RAB3C: variants seen among roughly 807,000 people sequenced by gnomAD.
RAB3C encodes the protein RAB3C, member RAS oncogene family, also known as ras-related protein Rab-3C.
RAB3C carries 17 observed loss-of-function variants against 26.4 expected under a neutral mutation model. The ratio of observed to expected loss-of-function variants is 0.64; its 90% CI spans 0.44 to 0.97. The LOEUF (loss-of-function observed/expected upper bound fraction) is 0.97, where lower values mean the gene tolerates loss of function less well. RAB3C is among the 50% of genes least tolerant of loss of function. The pLI, the probability that RAB3C is intolerant of heterozygous loss-of-function variation, is 0.00. For synonymous variants in RAB3C, 91 were observed against 95.9 expected (o/e 0.95, Z 0.30); for missense variants, 242 against 281.9 (o/e 0.86, Z 1.01).
intron 2 of RAB3C, among the ~76,000 whole-genome samples, chr5:58,670,301 G>A (rs1292062433): frequency 1.3e-5 from 2 of 151,948 alleles, no homozygotes; most frequent in South Asian, 2.1e-4. Flanking sequence ...AATAAAGACG[G>A]TCTCCAAAGG....
chr5:58,802,066 T>G (rs1166454312), intron 3 of RAB3C, among the ~76,000 whole-genome samples: 1 of 152,136 alleles, frequency 6.6e-6, no homozygotes, highest in East Asian at 1.9e-4. Context: ...TCTCAATGAA[T>G]CATTAGAGTA....
intron 2 of RAB3C, among the ~76,000 whole-genome samples, chr5:58,705,468 G>A (rs1271702931): frequency 6.6e-6 from 1 of 152,074 alleles, no homozygotes; most frequent in Non-Finnish European, 1.5e-5. Flanking sequence ...AAAAAATTTT[G>A]ATGACAAATT....
At chr5:58,846,719 T>A (rs113316330) in intron 4 of RAB3C, among the ~76,000 whole-genome samples, 1,815 of 152,038 alleles carry the variant, frequency 0.012, 17 homozygotes, top group Middle Eastern at 0.037. Context: ...CCTCCAATCC[T>A]ATGAAGTCAG....
intron 3 of RAB3C, among the ~76,000 whole-genome samples, chr5:58,754,883 T>TC (rs1554051165): frequency 0.031 from 3,962 of 126,244 alleles, 185 homozygotes; most frequent in African/African-American, 0.11. Flanking sequence ...CTCCTTATTC[T>TC]CCTTTTTTTT....
chr5:58,754,266 G>A (rs1741597675), intron 3 of RAB3C, among the ~76,000 whole-genome samples: 1 of 152,128 alleles, frequency 6.6e-6, no homozygotes, highest in South Asian at 2.1e-4. Flanking sequence ...CAAAGGTCTT[G>A]TGGAAACTGT....
intron 4 of RAB3C, among the ~76,000 whole-genome samples, chr5:58,827,395 T>TC: frequency 6.6e-6 from 1 of 152,290 alleles, no homozygotes; most frequent in South Asian, 2.1e-4. Flanking sequence ...TATATGTATC[T>TC]CCAAGCCAAG....
intron 2 of RAB3C, among the ~76,000 whole-genome samples, chr5:58,721,794 T>A (rs542782659): frequency 3.9e-5 from 6 of 151,954 alleles, no homozygotes; most frequent in African/African-American, 1.4e-4. Flanking sequence ...ATATTTTCCC[T>A]ACTTAGTGCA....
intron 2 of RAB3C, among the ~76,000 whole-genome samples, chr5:58,698,646 C>A (rs1291863200): frequency 6.6e-6 from 1 of 151,982 alleles, no homozygotes; most frequent in Non-Finnish European, 1.5e-5. Flanking sequence ...TTTCTCTAAA[C>A]TTCTCTTTTC....
At chr5:58,664,596 A>C (rs1045548003) in intron 2 of RAB3C, among the ~76,000 whole-genome samples, 1 of 152,162 alleles carries the variant, frequency 6.6e-6, no homozygotes, top group African/African-American at 2.4e-5. Context: ...GTGATACTGT[A>C]CTATAGATTT....
chr5:58,827,500 T>G (rs922996177), intron 4 of RAB3C, among the ~76,000 whole-genome samples: 7 of 152,230 alleles, frequency 4.6e-5, no homozygotes. Flanking sequence ...GACCAGGTTG[T>G]GAAAAGGGAT....
chr5:58,737,437 ATATATAT>A (rs1741173111), intron 3 of RAB3C, among the ~76,000 whole-genome samples: 2 of 82,292 alleles, frequency 2.4e-5, no homozygotes, highest in Non-Finnish European at 4.4e-5. Context: ...ATATATATAT[ATATATAT>A]ATATAATTTA....
At chr5:58,836,555 T>C (rs1743752383) in intron 4 of RAB3C, among the ~76,000 whole-genome samples, 1 of 152,198 alleles carries the variant, frequency 6.6e-6, no homozygotes, top group Admixed American at 6.5e-5. Context: ...CCCTTCTCAA[T>C]GTCTAGTATC....
chr5:58,816,023 G>A (rs565900458), intron 3 of RAB3C, among the ~76,000 whole-genome samples: 22 of 152,206 alleles, frequency 1.4e-4, no homozygotes, highest in Middle Eastern at 3.4e-3. Context: ...TAAGTTTAGT[G>A]GTGTACCCAT....
chr5:58,718,122 G>T (rs1223020076), intron 2 of RAB3C, among the ~76,000 whole-genome samples: 1 of 152,026 alleles, frequency 6.6e-6, no homozygotes, highest in Non-Finnish European at 1.5e-5. Context: ...TATTTATCCT[G>T]CAGGTTTTGA....
chr5:58,606,291 A>G (rs1000194868), intron 1 of RAB3C, among the ~76,000 whole-genome samples: 2 of 152,190 alleles, frequency 1.3e-5, no homozygotes, highest in African/African-American at 4.8e-5. Context: ...AGCCTTGCTC[A>G]CTGATAGCAC....
At chr5:58,828,901 C>CTTTTTT (rs762653092) in intron 4 of RAB3C, among the ~76,000 whole-genome samples, 5 of 122,442 alleles carry the variant, frequency 4.1e-5, no homozygotes, top group Non-Finnish European at 1.7e-5. Flanking sequence ...TTTTACCATG[C>CTTTTTT]TTTTTTTTTT....
rs1223559349 is a variant in RAB3C, at chr5:58,854,207, C to T, written c.*2856C>T. The T allele has an allele frequency of 6.6e-6, 1 of 152,102 alleles. No homozygotes were observed. Among genetic ancestry groups the T allele is most frequent in the Non-Finnish European group, 1.5e-5 (1 of 68,016 alleles). The allele number at this position is 152,102 out of a possible 1,614,324, so 9.4% of individuals were successfully genotyped here. ...TACTCCTGTTGGTTTGTAAGTTATA[C>T]ACATTTATCTCTTGTCTTTGATTTA... On this transcript the variant is annotated 3_prime_UTR_variant, in exon 5 of 5. Coordinates refer to ENST00000282878, the MANE Select transcript of RAB3C (RefSeq NM_138453.4).
chr5:58,586,322 C>G (rs1386984004), intron 1 of RAB3C, among the ~76,000 whole-genome samples: 1 of 151,966 alleles, frequency 6.6e-6, no homozygotes, highest in African/African-American at 2.4e-5. Context: ...CGCCAGATCT[C>G]TCTGTCTGGA....
intron 4 of RAB3C, among the ~76,000 whole-genome samples, chr5:58,828,045 G>A (rs1743529440): frequency 6.6e-6 from 1 of 152,082 alleles, no homozygotes; most frequent in African/African-American, 2.4e-5. Context: ...TGTTTTTTCT[G>A]TACAACATTT....
Sources: allele counts gnomAD v4.1 joint callset (sites outside exome capture counted in the v4.1 genomes callset), GRCh38; gene constraint gnomAD v4.1.1; transcripts MANE v1.5; gene names NCBI Gene and HGNC (gene_info 2026-07-23, HGNC 2026-07-21).